Variants in STARD13 observed in about 807,000 individuals in gnomAD.
STARD13 encodes the protein stAR-related lipid transfer protein 13.
STARD13 carries 62 observed loss-of-function variants against 106.4 expected under a neutral mutation model. The observed-to-expected ratio is 0.58, with a 90% CI of 0.48 to 0.72. The LOEUF is 0.72. STARD13 is among the 30% of genes least tolerant of loss of function. The pLI, the probability that STARD13 is intolerant of heterozygous loss-of-function variation, is 0.00. For missense variants in STARD13, 1,387 were observed against 1,424.0 expected (o/e 0.97, Z 0.42); for synonymous variants, 565 against 553.0 (o/e 1.02, Z -0.31).
At chr13:33,367,694 G>A in the STARD13 span, among the ~76,000 whole-genome samples, 1 of 151,450 alleles carries the variant, frequency 6.6e-6, no homozygotes, top group Non-Finnish European at 1.5e-5. Context: ...CCCAAAGTAA[G>A]ATGGCATCAG....
chr13:33,291,279 G>C (rs544332622), intron 1 of STARD13, among the ~76,000 whole-genome samples: 24 of 152,342 alleles, frequency 1.6e-4, no homozygotes, highest in African/African-American at 5.8e-4. Context: ...CTGTCCTTCA[G>C]ATGTTTGTCA....
intron 1 of STARD13, chr13:33,280,955 C>T (rs1193589264): frequency 6.6e-6 from 1 of 152,164 alleles, no homozygotes; most frequent in Non-Finnish European, 1.5e-5. Context: ...TTTACCATTT[C>T]CTTGAGAAAC....
the STARD13 span, among the ~76,000 whole-genome samples, chr13:33,641,946 A>G: frequency 4.6e-5 from 7 of 152,236 alleles, no homozygotes; most frequent in Admixed American, 3.9e-4. Flanking sequence ...ATTTTAAGCT[A>G]TAACTATTGC....
chr13:33,368,023 G>A, the STARD13 span, among the ~76,000 whole-genome samples: 1 of 152,052 alleles, frequency 6.6e-6, no homozygotes, highest in Non-Finnish European at 1.5e-5. Context: ...AATGTGGTTT[G>A]GGGTTTCCTT....
the STARD13 span, among the ~76,000 whole-genome samples, chr13:33,474,949 T>C: frequency 6.6e-6 from 1 of 152,224 alleles, no homozygotes; most frequent in African/African-American, 2.4e-5. Context: ...CTTGAAATGA[T>C]AACAAGTTTT....
chr13:33,253,357 T>A lies in STARD13; in HGVS notation c.169+32113A>T, dbSNP rs112580154. ...ATAGGTGTTAACACACAGACCATTT[T>A]AAAAGCTACATTAAGCCAATGGACA... On this transcript the variant is annotated intron_variant, in intron 1 of 13. Coordinates refer to ENST00000336934, the MANE Select transcript of STARD13 (RefSeq NM_178006.4). 5.8e-3 allele frequency among the ~76,000 whole-genome samples: 881 copies of A among 152,324 alleles called. 10 individuals carry two copies. Among genetic ancestry groups the A allele is most frequent in the African/African-American group, 0.02 (824 of 41,564 alleles).
intron 1 of STARD13, among the ~76,000 whole-genome samples, chr13:33,177,752 A>AGGG (rs1173177195): frequency 1.0e-5 from 1 of 95,704 alleles, no homozygotes; most frequent in Non-Finnish European, 2.1e-5. Flanking sequence ...GGAAGGAAAA[A>AGGG]AGGAAGGAAG....
chr13:33,506,642 T>C, the STARD13 span, among the ~76,000 whole-genome samples: 3 of 152,126 alleles, frequency 2.0e-5, no homozygotes, highest in African/African-American at 7.2e-5. Context: ...GCTGATACAA[T>C]ATCATTCATA....
At chr13:33,126,638 A>T (rs1215828613) in intron 6 of STARD13, among the ~76,000 whole-genome samples, 1 of 152,256 alleles carries the variant, frequency 6.6e-6, no homozygotes, top group East Asian at 1.9e-4. Context: ...GGGAGAAAAG[A>T]AGAACAATAT....
At position 33,126,177 on chromosome 13, in the gene STARD13, G is replaced by A. The variant is rs1000935855; in HGVS notation, c.1986C>T (p.Gly662=). The A allele has an allele frequency of 7.4e-6, 12 of 1,613,954 alleles. No individual in the cohort carries two copies. Among genetic ancestry groups the A allele is most frequent in the African/African-American group, 2.7e-5 (2 of 74,904 alleles). ...TTTGGACGTGGACTATGAGAGGAACGCCAAAGACAGCCTTGTCTTTGTAGT... is the reference window on the plus strand; with the variant it reads ...TTTGGACGTGGACTATGAGAGGAACACCAAAGACAGCCTTGTCTTTGTAGT... ...VPDYKDKAVF[G]VPLIVHVQRT... The change falls in exon 7 of 14, where the codon GGC becomes GGT. Residue 662 remains glycine, a synonymous_variant. Transcript: ENST00000336934.
chr13:33,664,276 A>G, the STARD13 span, among the ~76,000 whole-genome samples: 1 of 152,102 alleles, frequency 6.6e-6, no homozygotes, highest in African/African-American at 2.4e-5. Flanking sequence ...CACATACAAC[A>G]CTACGCTAAA....
rs1555254805 is a variant in STARD13 at position 33,262,662 on chromosome 13, A to AACACAC, written c.169+22802_169+22807dup. Among the ~76,000 whole-genome samples, 1,109 of 114,946 alleles carry AACACAC rather than the reference A, an allele frequency of 9.6e-3. 26 individuals carry two copies. Among genetic ancestry groups the AACACAC allele is most frequent in the African/African-American group, 0.031 (953 of 30,512 alleles). 75.4% of individuals were successfully genotyped at this position (114,946 alleles called of 152,430 possible). ...AACCCCCCCCCCCACACACACACAC[A>AACACAC]ACACACACACACACACACACACACA... On this transcript the variant is annotated intron_variant, in intron 1 of 13. Transcript: ENST00000336934.
chr13:33,129,387 G>A lies in STARD13; in HGVS notation c.1290C>T (p.Ser430=). 6.2e-7 allele frequency: 1 copy of A among 1,614,198 alleles called. No homozygotes were observed. The highest frequency in any genetic ancestry group is 8.5e-7 in the Non-Finnish European group (1 of 1,180,044). Residue 430 remains serine, a synonymous_variant, in exon 5 of 14, where the codon AGC becomes AGT. Transcript: ENST00000336934. The part of the protein sequence containing the change: ...SSNGVNWRTG[S]ISLGREQVPG... Reference sequence around the variant, plus strand: ...GGACCTGCTCTCTGCCCAGGGAGATGCTACCGGTCCTCCAATTAACCCCAT... The same window carrying A: ...GGACCTGCTCTCTGCCCAGGGAGATACTACCGGTCCTCCAATTAACCCCAT...
the STARD13 span, among the ~76,000 whole-genome samples, chr13:33,395,061 G>A: frequency 6.6e-6 from 1 of 152,188 alleles, no homozygotes; most frequent in South Asian, 2.1e-4. Context: ...GTGGAGTGAC[G>A]TGGCTGGATT....
the STARD13 span, among the ~76,000 whole-genome samples, chr13:33,544,940 A>AT: frequency 2.0e-5 from 3 of 150,542 alleles, no homozygotes; most frequent in East Asian, 5.9e-4. Flanking sequence ...CACCTGGCTA[A>AT]TTTTTTTGTT....
the STARD13 span, among the ~76,000 whole-genome samples, chr13:33,628,682 C>T: frequency 6.6e-6 from 1 of 152,194 alleles, no homozygotes; most frequent in Non-Finnish European, 1.5e-5. Context: ...CCTGAACCTC[C>T]GTGGCACAGC....
the STARD13 span, among the ~76,000 whole-genome samples, chr13:33,599,474 T>A: frequency 3.3e-5 from 5 of 152,318 alleles, no homozygotes; most frequent in East Asian, 7.7e-4. Context: ...ATCAATTTCC[T>A]TATTAATAAA....
the STARD13 span, among the ~76,000 whole-genome samples, chr13:33,625,790 C>T: frequency 6.6e-6 from 1 of 151,930 alleles, no homozygotes; most frequent in Non-Finnish European, 1.5e-5. Flanking sequence ...CAACCTCCAC[C>T]TCCCAGGTTC....
the STARD13 span, among the ~76,000 whole-genome samples, chr13:33,426,368 A>T: frequency 6.6e-6 from 1 of 152,258 alleles, no homozygotes; most frequent in Non-Finnish European, 1.5e-5. Context: ...TTAGCATCTA[A>T]TCTTGACTTT....
Sources: allele counts gnomAD v4.1 joint callset (sites outside exome capture counted in the v4.1 genomes callset), GRCh38; gene constraint gnomAD v4.1.1; transcripts MANE v1.5; gene names NCBI Gene and HGNC (gene_info 2026-07-23, HGNC 2026-07-21).